Variants in MACF1 observed in about 807,000 individuals in gnomAD.
The protein encoded by MACF1 is microtubule actin crosslinking factor 1, also known as microtubule-actin cross-linking factor 1.
MACF1 carries 193 observed loss-of-function variants against 854.8 expected under a neutral mutation model. That is an observed-to-expected ratio of 0.23 (90% CI 0.20 to 0.25). The LOEUF is 0.25. Among genes scored for constraint, MACF1 ranks in the 10% least tolerant of loss-of-function variants. The pLI is 1.00. For missense variants in MACF1, 7,722 were observed against 8,929.1 expected (o/e 0.86, Z 5.45); for synonymous variants, 3,185 against 3,226.7 (o/e 0.99, Z 0.44).
intron 22 of MACF1, 40 bp downstream of exon 22, chr1:39,300,402 A>T: frequency 6.3e-7 from 1 of 1,580,856 alleles, no homozygotes; most frequent in Non-Finnish European, 8.6e-7. Flanking sequence ...CACAGGGGGA[A>T]GGAAGAAAGA....
Position 39,316,399 on chromosome 1 carries a change from C to T in MACF1, c.3458C>T (p.Thr1153Ile), listed in dbSNP as rs1390451621. The change falls in exon 28 of 101, where the codon ACA (threonine) becomes ATA (isoleucine). Residue 1153 changes from threonine (T) to isoleucine (I), a missense_variant. Thr to Ile is a moderately conservative substitution (Grantham distance 89). This residue lies in a region of MACF1 where 1,137 missense variants were observed against 1,263.0 expected (regional missense o/e 0.90). Transcript: ENST00000564288. ...LSTVYLNKLK[T>I]VDVIVRSIQD... Reference sequence around the variant, plus strand: ...TGTATTTGTCCCCACAGGTTAAAGACAGTTGATGTTATAGTACGTAGCATA... The same window carrying T: ...TGTATTTGTCCCCACAGGTTAAAGATAGTTGATGTTATAGTACGTAGCATA... The T allele has an allele frequency of 1.2e-6, 2 of 1,609,988 alleles. No homozygotes were observed. Among genetic ancestry groups the T allele is most frequent in the Admixed American group, 1.7e-5 (1 of 59,562 alleles).
Position 39,479,963 on chromosome 1 carries a change from G to A in MACF1, c.22124G>A (p.Cys7375Tyr). The change falls in exon 98 of 101, where the codon TGT (cysteine) becomes TAT (tyrosine). Residue 7375 changes from cysteine (C) to tyrosine (Y), a missense_variant. Cys to Tyr is a radical substitution (Grantham distance 194). Transcript: ENST00000564288. Reference protein sequence around the residue: ...SSSASQSNHSCTSMPSSPATP... With the variant: ...SSSASQSNHSYTSMPSSPATP... ...AGTGCTAGTCAGAGTAACCACAGCTGTACATCCATGCCATCTTCTCCAGCC... is the reference window on the plus strand; with the variant it reads ...AGTGCTAGTCAGAGTAACCACAGCTATACATCCATGCCATCTTCTCCAGCC... 6.2e-7 allele frequency: 1 copy of A among 1,608,066 alleles called. No individual in the cohort carries two copies. Among genetic ancestry groups the A allele is most frequent in the Non-Finnish European group, 8.5e-7 (1 of 1,176,476 alleles).
chr1:39,269,906 CCAAGACTTGTCT>C (rs1645283647), intron 6 of MACF1, among the ~76,000 whole-genome samples: 1 of 152,170 alleles, frequency 6.6e-6, no homozygotes, highest in Admixed American at 6.5e-5. Context: ...ATGCTTGAAA[CCAAGACTTGTCT>C]CTGGGGAATC....
In MACF1 at chr1:39,335,574, G is replaced by T; in HGVS notation, c.8986G>T (p.Glu2996Ter). The change falls in exon 37 of 101, where the codon GAA becomes TAA. Residue 2996 changes from glutamate to a stop codon, truncating the protein, a stop_gained. Coordinates refer to ENST00000564288, the MANE Select transcript of MACF1 (RefSeq NM_001394062.1). LOFTEE classifies it high-confidence loss of function. ...IRTCKPAFLSEEKLYQETAIR... is the reference protein window; with the variant it reads ...IRTCKPAFLS ...AACATGCAAACCAGCATTTCTTTCT[G>T]AAGAAAAGTTGTATCAGGAAACTGC... 7 of 1,614,168 alleles carry T rather than the reference G, an allele frequency of 4.3e-6. No individual in the cohort carries two copies. The highest frequency in any genetic ancestry group is 5.9e-6 in the Non-Finnish European group (7 of 1,180,008).
At chr1:39,366,094 CA>C (rs772018546) in intron 49 of MACF1, among the ~76,000 whole-genome samples, 2 of 152,096 alleles carry the variant, frequency 1.3e-5, no homozygotes, top group Non-Finnish European at 2.9e-5. Flanking sequence ...TAGTCCTCCT[CA>C]ATTTTTTTCT....
chr1:39,107,215 A>C (rs1309521798), intron 2 of MACF1, among the ~76,000 whole-genome samples: 1 of 152,172 alleles, frequency 6.6e-6, no homozygotes, highest in Non-Finnish European at 1.5e-5. Context: ...TCAGCACCTC[A>C]CTGGATGGTA....
intron 6 of MACF1, among the ~76,000 whole-genome samples, chr1:39,265,774 C>G (rs1380007662): frequency 2.0e-5 from 3 of 152,164 alleles, no homozygotes; most frequent in Non-Finnish European, 4.4e-5. Flanking sequence ...CCATCTATAT[C>G]TTAGGATCCC....
rs1644133790 is a variant in MACF1, at chr1:39,442,202, A to G, written c.18830A>G (p.Gln6277Arg). The G allele has an allele frequency of 6.2e-7, 1 of 1,605,340 alleles. No homozygotes were observed. The highest frequency in any genetic ancestry group is 1.1e-5 in the South Asian group (1 of 90,028). ...ATTGAGATGGAGAAGCTTAATCACC[A>G]GGGTGAACTGATGTTAAAGAAAGCT... Reference protein sequence around the residue: ...QQIEMEKLNHQGELMLKKATD... With the variant: ...QQIEMEKLNHRGELMLKKATD... The change falls in exon 76 of 101, where the codon CAG becomes CGG. Residue 6277 changes from glutamine to arginine, a missense_variant. Physicochemically the swap from Gln to Arg is conservative, Grantham distance 43 (BLOSUM62 1). Coordinates refer to ENST00000564288, the MANE Select transcript of MACF1 (RefSeq NM_001394062.1).
At chr1:39,339,426 CA>C (rs1646888853) in intron 38 of MACF1, among the ~76,000 whole-genome samples, 1 of 152,150 alleles carries the variant, frequency 6.6e-6, no homozygotes, top group Admixed American at 6.5e-5. Flanking sequence ...GTAACTGCCA[CA>C]GGGAGATTGA....
chr1:39,461,767 G>A, intron 92 of MACF1, 116 bp from the exon 93 acceptor site: 2 of 777,968 alleles, frequency 2.6e-6, no homozygotes, highest in African/African-American at 1.9e-5. Context: ...ACTCCAGCCT[G>A]GGCGACAGAG....
At chr1:39,099,860 C>T (rs1642023280) in intron 2 of MACF1, among the ~76,000 whole-genome samples, 1 of 152,194 alleles carries the variant, frequency 6.6e-6, no homozygotes, top group Non-Finnish European at 1.5e-5. Context: ...GTGATACAGA[C>T]ATCCACAGTA....
chr1:39,213,570 C>T (rs1644541559), intron 1 of MACF1, among the ~76,000 whole-genome samples: 1 of 152,328 alleles, frequency 6.6e-6, no homozygotes, highest in Admixed American at 6.5e-5. Flanking sequence ...CTCCTGAGCT[C>T]AGGCAGTTTA....
Position 39,432,584 on chromosome 1 carries a change from G to A in MACF1, c.17387G>A (p.Arg5796Gln), listed in dbSNP as rs780382650. The A allele has an allele frequency of 7.4e-6, 12 of 1,614,006 alleles. No homozygotes were observed. Among genetic ancestry groups the A allele is most frequent in the Non-Finnish European group, 9.3e-6 (11 of 1,179,950 alleles). The part of the protein sequence containing the change: ...AELAWVAETK[R>Q]KLMALGPIRL... ...CTAGCTTGGGTTGCTGAAACAAAAC[G>A]GAAACTGATGGCTCTGGGTCCAATT... Residue 5796 changes from arginine (R) to glutamine (Q), a missense_variant, in exon 67 of 101, where the codon CGG becomes CAG. Arg to Gln is a conservative substitution (Grantham distance 43). Around this residue, in one of 15 missense-constraint regions of MACF1, gnomAD observed 2,807 missense variants for 3,235.8 expected, o/e 0.87. Coordinates refer to ENST00000564288, the MANE Select transcript of MACF1 (RefSeq NM_001394062.1).
intron 2 of MACF1, among the ~76,000 whole-genome samples, chr1:39,156,111 G>A (rs920138187): frequency 2.6e-5 from 4 of 152,012 alleles, no homozygotes; most frequent in Non-Finnish European, 4.4e-5. Flanking sequence ...TCCTGACCTC[G>A]TGATCCGCCT....
chr1:39,289,411 G>A (rs920725884), intron 15 of MACF1, among the ~76,000 whole-genome samples: 3 of 152,116 alleles, frequency 2.0e-5, no homozygotes, highest in Non-Finnish European at 4.4e-5. Flanking sequence ...TATATTGCCT[G>A]TCTTTTGGAT....
intron 2 of MACF1, among the ~76,000 whole-genome samples, chr1:39,130,816 A>G (rs1036103464): frequency 6.6e-6 from 1 of 151,498 alleles, no homozygotes; most frequent in African/African-American, 2.4e-5. Flanking sequence ...TTCTAAGCCA[A>G]CTTTTTTTTA....
At chr1:39,134,207 A>ATT (rs34022052) in intron 2 of MACF1, among the ~76,000 whole-genome samples, 96 of 144,866 alleles carry the variant, frequency 6.6e-4, no homozygotes, top group South Asian at 8.9e-4. Context: ...CGCCCGGCTA[A>ATT]TTTTTTTTTT....
intron 2 of MACF1, among the ~76,000 whole-genome samples, chr1:39,089,777 G>T (rs746729386): frequency 2.2e-4 from 33 of 152,160 alleles, no homozygotes; most frequent in Non-Finnish European, 4.0e-4. Context: ...AACTGAATCT[G>T]GAGTTACAAG....
At chr1:39,381,229 GT>G (rs1393943969) in intron 55 of MACF1, among the ~76,000 whole-genome samples, 1 of 151,656 alleles carries the variant, frequency 6.6e-6, no homozygotes, top group Non-Finnish European at 1.5e-5. Flanking sequence ...GGCTAATTTT[GT>G]ATTTTTAGTA....
Sources: gnomAD v4.1 joint callset for allele counts (sites outside exome capture counted in the v4.1 genomes callset) on GRCh38, gnomAD v4.1.1 for gene constraint, gnomAD v4.1.1 regional missense constraint, MANE v1.5 for transcripts, NCBI Gene and HGNC (gene_info 2026-07-23, HGNC 2026-07-21) for gene names.